PTPN14: variants seen among roughly 807,000 people sequenced by gnomAD.
PTPN14 encodes the protein protein tyrosine phosphatase non-receptor type 14.
Under a neutral mutation model 126.8 loss-of-function variants are expected in PTPN14, and 53 were observed. The ratio of observed to expected loss-of-function variants is 0.42; its 90% CI spans 0.34 to 0.53. The LOEUF (loss-of-function observed/expected upper bound fraction) is 0.53. Ranked by LOEUF, PTPN14 falls within the 20% of genes least tolerant of loss-of-function variation. The pLI is 0.08. For missense variants in PTPN14, 1,257 were observed against 1,552.9 expected, an observed-to-expected ratio of 0.81 and a Z score of 3.20; for synonymous variants, 630 against 599.3, an observed-to-expected ratio of 1.05 and a Z score of -0.75.
At chr1:214,467,021 T>C (rs1660654664) in intron 1 of PTPN14, among the ~76,000 whole-genome samples, 1 of 152,208 alleles carries the variant, frequency 6.6e-6, no homozygotes, top group Admixed American at 6.5e-5. Context: ...ATATGTTTTA[T>C]GACGGCTTAA....
intron 1 of PTPN14, among the ~76,000 whole-genome samples, chr1:214,518,117 T>C (rs966294682): frequency 2.6e-5 from 4 of 152,322 alleles, no homozygotes; most frequent in Admixed American, 2.6e-4. Flanking sequence ...AATAAATGTT[T>C]GTCAAAAGAT....
At chr1:214,518,442 T>C (rs1448333625) in intron 1 of PTPN14, among the ~76,000 whole-genome samples, 1 of 152,228 alleles carries the variant, frequency 6.6e-6, no homozygotes, top group East Asian at 1.9e-4. Flanking sequence ...ATATGTTACA[T>C]TACATAAACT....
At chr1:214,435,147 C>T (rs1269690934) in intron 3 of PTPN14, among the ~76,000 whole-genome samples, 1 of 152,062 alleles carries the variant, frequency 6.6e-6, no homozygotes, top group South Asian at 2.1e-4. Context: ...GAAATTGATT[C>T]CCCCTCACCT....
At chr1:214,398,422 T>C (rs1490283251) in intron 7 of PTPN14, among the ~76,000 whole-genome samples, 2 of 152,162 alleles carry the variant, frequency 1.3e-5, no homozygotes, top group Non-Finnish European at 2.9e-5. Context: ...GACCATAGCA[T>C]AGTTAGTAAC....
chr1:214,522,613 A>G (rs1655287747), intron 1 of PTPN14, among the ~76,000 whole-genome samples: 1 of 152,182 alleles, frequency 6.6e-6, no homozygotes, highest in South Asian at 2.1e-4. Flanking sequence ...CGTAAAAAAC[A>G]GTTAACATTC....
intron 1 of PTPN14, chr1:214,532,321 C>A: frequency 3.8e-6 from 2 of 519,554 alleles, no homozygotes; most frequent in South Asian, 1.8e-5. Context: ...TTCCAGATCT[C>A]CGTGTCCTGC....
At chr1:214,473,221 G>A (rs1660799394) in intron 1 of PTPN14, among the ~76,000 whole-genome samples, 1 of 152,232 alleles carries the variant, frequency 6.6e-6, no homozygotes, top group South Asian at 2.1e-4. Flanking sequence ...TCATTTGGCA[G>A]AGCAAGTAAA....
chr1:214,429,563 C>T (rs942514284), intron 3 of PTPN14, among the ~76,000 whole-genome samples: 1 of 152,184 alleles, frequency 6.6e-6, no homozygotes, highest in Non-Finnish European at 1.5e-5. Context: ...TTGTTCAGTG[C>T]TGTATTACCA....
intron 13 of PTPN14, among the ~76,000 whole-genome samples, chr1:214,379,166 G>C (rs1658414409): frequency 6.6e-6 from 1 of 152,118 alleles, no homozygotes. Flanking sequence ...AGTTTTGCAG[G>C]GTTTAGGATT....
chr1:214,378,370 C>T (rs1260979075), intron 13 of PTPN14, among the ~76,000 whole-genome samples: 3 of 152,164 alleles, frequency 2.0e-5, no homozygotes, highest in African/African-American at 7.2e-5. Context: ...ATACACCCTG[C>T]CATAGGGCAA....
At chr1:214,413,256 C>T (rs1659350320) in intron 4 of PTPN14, among the ~76,000 whole-genome samples, 2 of 152,192 alleles carry the variant, frequency 1.3e-5, no homozygotes, top group African/African-American at 2.4e-5. Context: ...TTCAACAATG[C>T]TACCTCTGAT....
intron 1 of PTPN14, among the ~76,000 whole-genome samples, chr1:214,506,227 G>A (rs1008389334): frequency 7.2e-5 from 11 of 152,186 alleles, no homozygotes; most frequent in Non-Finnish European, 1.0e-4. Flanking sequence ...AAACTGGCCA[G>A]GCACGGTGGC....
At chr1:214,420,832 T>C (rs1280644578) in intron 3 of PTPN14, among the ~76,000 whole-genome samples, 3 of 152,186 alleles carry the variant, frequency 2.0e-5, no homozygotes, top group African/African-American at 7.2e-5. Context: ...CCCGACATGG[T>C]TCCCTGCTGA....
At chr1:214,538,528 A>G (rs1655762695) in intron 1 of PTPN14, among the ~76,000 whole-genome samples, 1 of 152,238 alleles carries the variant, frequency 6.6e-6, no homozygotes, top group South Asian at 2.1e-4. Flanking sequence ...AATACTGAGC[A>G]AATTAGCTTG....
At chr1:214,441,456 C>A (rs934491530) in intron 3 of PTPN14, among the ~76,000 whole-genome samples, 2 of 152,198 alleles carry the variant, frequency 1.3e-5, no homozygotes, top group Non-Finnish European at 2.9e-5. Context: ...TGTAGCACAT[C>A]TGTCACTTCC....
intron 8 of PTPN14, among the ~76,000 whole-genome samples, chr1:214,397,664 T>A (rs2102558344): frequency 6.6e-6 from 1 of 152,260 alleles, no homozygotes; most frequent in African/African-American, 2.4e-5. Context: ...ACTCACGAAG[T>A]TTAGTTTCAT....
intron 1 of PTPN14, among the ~76,000 whole-genome samples, chr1:214,495,592 C>T (rs189223491): frequency 6.6e-6 from 1 of 152,272 alleles, no homozygotes; most frequent in African/African-American, 2.4e-5. Flanking sequence ...TTAGACAAGA[C>T]TGACATTATC....
intron 1 of PTPN14, among the ~76,000 whole-genome samples, chr1:214,498,264 T>C (rs1482403316): frequency 6.6e-6 from 1 of 152,182 alleles, no homozygotes; most frequent in African/African-American, 2.4e-5. Context: ...GTGAGTCTCC[T>C]AACATGGCAC....
intron 16 of PTPN14, chr1:214,372,459 T>C (rs993003463): frequency 2.1e-6 from 1 of 486,708 alleles, no homozygotes; most frequent in Non-Finnish European, 3.6e-6. Flanking sequence ...TTTAGTGCAT[T>C]ACAATCCAAG....
Sources: allele counts gnomAD v4.1 joint callset (sites outside exome capture counted in the v4.1 genomes callset), GRCh38; gene constraint gnomAD v4.1.1; transcripts MANE v1.5; gene names NCBI Gene and HGNC (gene_info 2026-07-23, HGNC 2026-07-21).